SYCP2: variants seen among roughly 807,000 people sequenced by gnomAD.
The protein encoded by SYCP2 is synaptonemal complex lateral element protein.
A neutral mutation model predicts 211.3 loss-of-function variants in SYCP2; 55 were observed. That is an observed-to-expected ratio of 0.26 (90% confidence interval 0.21 to 0.33). The LOEUF is 0.33. Among genes scored for constraint, SYCP2 ranks in the 10% least tolerant of loss-of-function variants. The pLI, the probability that SYCP2 is intolerant of heterozygous loss-of-function variation, is 1.00. For missense variants in SYCP2, 1,731 were observed against 1,752.0 expected (o/e 0.99, Z 0.21); for synonymous variants, 570 against 555.2 (o/e 1.03, Z -0.37).
chr20:59,867,120 A>T (rs868547081), intron 39 of SYCP2, among the ~76,000 whole-genome samples: 1 of 8,340 alleles, frequency 1.2e-4, no homozygotes, highest in Non-Finnish European at 2.4e-4. Flanking sequence ...GGGGGGGGGG[A>T]GGGTGTTGAT....
chr20:59,895,266 G>A (rs997667585), intron 20 of SYCP2, among the ~76,000 whole-genome samples, 171 bp downstream of exon 20: 5 of 152,022 alleles, frequency 3.3e-5, no homozygotes, highest in African/African-American at 7.2e-5. Flanking sequence ...CACAGTAAAT[G>A]AGTCATATGC....
rs760165310 is a variant in SYCP2 at position 59,881,009 on chromosome 20, T to G, written c.2729A>C (p.Asn910Thr). 5.3e-6 allele frequency: 8 copies of G among 1,501,378 alleles called. No individual in the cohort carries two copies. Among genetic ancestry groups the G allele is most frequent in the Non-Finnish European group, 7.3e-6 (8 of 1,097,814 alleles). The allele number at this position is 1,501,378 out of a possible 1,614,324, so 93.0% of individuals were successfully genotyped here. ...GACAGAAGATTTAAGTTCATCATGATTCCTTGGACCTACCCTTAAACAAAA... is the reference window on the plus strand; with the variant it reads ...GACAGAAGATTTAAGTTCATCATGAGTCCTTGGACCTACCCTTAAACAAAA... ...DRSIRLVGPRNHDELKSSVKT... is the reference protein window; with the variant it reads ...DRSIRLVGPRTHDELKSSVKT... Residue 910 changes from asparagine (N) to threonine (T), a missense_variant, in exon 30 of 45, where the codon AAT becomes ACT. Asn to Thr is a moderately conservative substitution (Grantham distance 65, BLOSUM62 0). This residue lies in a region of SYCP2 where 1,387 missense variants were observed against 1,351.3 expected (regional missense o/e 1.03). Coordinates refer to ENST00000357552, the MANE Select transcript of SYCP2 (RefSeq NM_014258.4).
At chr20:59,880,529 G>T in intron 30 of SYCP2, 58 bp from the exon 31 acceptor site, 1 of 1,053,230 alleles carries the variant, frequency 9.5e-7, no homozygotes, top group Non-Finnish European at 1.3e-6. Context: ...TGTCATGCAA[G>T]GTAAGTTAAA....
intron 13 of SYCP2, 151 bp from the exon 14 acceptor site, chr20:59,911,996 AAAAC>A (rs1398438990): frequency 6.6e-6 from 3 of 456,534 alleles, no homozygotes; most frequent in East Asian, 3.4e-5. Flanking sequence ...GATAAATTTA[AAAAC>A]AATCAAATGA....
chr20:59,905,936 A>G (rs1453705860), intron 15 of SYCP2, among the ~76,000 whole-genome samples: 3 of 152,148 alleles, frequency 2.0e-5, no homozygotes, highest in East Asian at 1.9e-4. Context: ...AGAAAGTAGT[A>G]AAACTACCTC....
intron 24 of SYCP2, among the ~76,000 whole-genome samples, chr20:59,888,386 TTAAAA>T (rs1220572590): frequency 6.6e-6 from 1 of 151,986 alleles, no homozygotes; most frequent in African/African-American, 2.4e-5. Context: ...ACAGGCTAAT[TTAAAA>T]TAATCAATCA....
intron 15 of SYCP2, among the ~76,000 whole-genome samples, chr20:59,904,566 T>C (rs539686915): frequency 6.6e-6 from 1 of 152,280 alleles, no homozygotes; most frequent in African/African-American, 2.4e-5. Context: ...GGAAGGATTA[T>C]CTGGAGCATC....
intron 39 of SYCP2, 65 bp from the exon 40 acceptor site, chr20:59,866,654 T>C: frequency 2.0e-6 from 2 of 1,018,986 alleles, no homozygotes; most frequent in Non-Finnish European, 2.8e-6. Flanking sequence ...AAGACTACAG[T>C]AACAGCAAAT....
intron 35 of SYCP2, among the ~76,000 whole-genome samples, chr20:59,870,690 T>G (rs1286275306): frequency 1.3e-5 from 2 of 151,768 alleles, no homozygotes; most frequent in Non-Finnish European, 2.9e-5. Context: ...TGAGGAATGG[T>G]GGGGCAGGGG....
At chr20:59,866,172 A>T (rs1303023256) in intron 41 of SYCP2, 121 bp downstream of exon 41, 1 of 575,120 alleles carries the variant, frequency 1.7e-6, no homozygotes, top group Non-Finnish European at 2.9e-6. Context: ...CTAAGATAAA[A>T]CTAAATTATT....
In SYCP2 at chr20:59,866,373, A is replaced by G. The variant is rs767638300; in HGVS notation, c.4240T>C (p.Phe1414Leu). ...QDSRIKKLDK[F>L]QFIIIEELEN... is the part of the protein sequence containing the mutation. ...AGCTCCTCTATGATAATGAATTGGA[A>G]TTTATCAAGTTTTTTAATCCTATTA... The change falls in exon 41 of 45, where the codon TTC becomes CTC. Residue 1414 changes from phenylalanine to leucine, a missense_variant. By Grantham distance (22) the Phe-to-Leu change is conservative (BLOSUM62 0). Around this residue, in one of 3 missense-constraint regions of SYCP2, gnomAD observed 1,387 missense variants for 1,351.3 expected, o/e 1.03. Coordinates refer to ENST00000357552, the MANE Select transcript of SYCP2 (RefSeq NM_014258.4). 3 of 1,591,842 alleles carry G rather than the reference A, an allele frequency of 1.9e-6. No homozygotes were observed. The highest frequency in any genetic ancestry group is 1.7e-5 in the Admixed American group (1 of 57,280).
chr20:59,880,231 A>G lies in SYCP2; in HGVS notation c.2941+72T>C, dbSNP rs1446151264. ...AACAGTCTAAATACAATAAGCTTAT[A>G]TAAAGCATTTTCAATAATTGAAATA... is the stretch of plus-strand genomic sequence containing the variant. On this transcript the variant is annotated intron_variant, in intron 31 of 44. Transcript: ENST00000357552. 5.7e-6 allele frequency: 7 copies of G among 1,222,570 alleles called. No homozygotes were observed. The African/African-American group carries it at 7.6e-5, about 13-fold the overall frequency. The allele number at this position is 1,222,570 out of a possible 1,614,324, so 75.7% of individuals were successfully genotyped here.
rs181512913 is a variant in SYCP2 at position 59,932,739 on chromosome 20, C to T, written c.-139-585G>A. 2.3e-3 allele frequency among the ~76,000 whole-genome samples: 351 copies of T among 152,256 alleles called. 2 individuals carry two copies. The highest frequency in any genetic ancestry group is 8.0e-3 in the African/African-American group (333 of 41,576). Reference sequence around the variant, plus strand: ...GCAGATGCTCGGCCAGCCTGGAGCCCGGTCCAGAAAAGGCCGCACGTGGAG... The same window carrying T: ...GCAGATGCTCGGCCAGCCTGGAGCCTGGTCCAGAAAAGGCCGCACGTGGAG... On this transcript the variant is annotated intron_variant, in intron 1 of 44. Transcript: ENST00000357552.
chr20:59,884,637 C>T (rs993863479), intron 26 of SYCP2, among the ~76,000 whole-genome samples: 6 of 152,018 alleles, frequency 3.9e-5, no homozygotes, highest in Non-Finnish European at 5.9e-5. Flanking sequence ...GATCATTTAT[C>T]TGACTTATCC....
chr20:59,880,383 A>C lies in SYCP2; in HGVS notation c.2861T>G (p.Leu954Arg), dbSNP rs2059652711. The change falls in exon 31 of 45, where the codon CTA (leucine) becomes CGA (arginine). Residue 954 changes from leucine (L) to arginine (R), a missense_variant. By Grantham distance (102) the Leu-to-Arg change is moderately radical. This residue lies in a region of SYCP2 where 1,387 missense variants were observed against 1,351.3 expected (regional missense o/e 1.03). Coordinates refer to ENST00000357552, the MANE Select transcript of SYCP2 (RefSeq NM_014258.4). Reference sequence around the variant, plus strand: ...CTGTGGTTTTGATTTCGGTTCTCTTAGCCAGCTAATATCAGTCTTGCTGTC... The same window carrying C: ...CTGTGGTTTTGATTTCGGTTCTCTTCGCCAGCTAATATCAGTCTTGCTGTC... ...CDDSKTDISW[L>R]REPKSKPQLI... The C allele has an allele frequency of 1.2e-6, 2 of 1,602,372 alleles. No homozygotes were observed. The highest frequency in any genetic ancestry group is 8.5e-7 in the Non-Finnish European group (1 of 1,172,134).
At chr20:59,867,628 A>G in intron 39 of SYCP2, 83 bp downstream of exon 39, 1 of 1,242,860 alleles carries the variant, frequency 8.0e-7, no homozygotes, top group East Asian at 2.6e-5. Flanking sequence ...TTGCCAAAGG[A>G]TCAAACAAGC....
chr20:59,903,970 G>A (rs1231358803), intron 15 of SYCP2, among the ~76,000 whole-genome samples: 1 of 152,134 alleles, frequency 6.6e-6, no homozygotes, highest in Admixed American at 6.6e-5. Flanking sequence ...AGCTGTACAT[G>A]TAACAAGATC....
intron 14 of SYCP2, among the ~76,000 whole-genome samples, chr20:59,909,830 C>G (rs1448917302): frequency 6.6e-6 from 1 of 152,150 alleles, no homozygotes; most frequent in Non-Finnish European, 1.5e-5. Context: ...ATAATAACTA[C>G]TATAAAGGAA....
In SYCP2 at chr20:59,874,032, T is replaced by A; in HGVS notation, c.3379A>T (p.Thr1127Ser). 6.2e-7 allele frequency: 1 copy of A among 1,604,352 alleles called. No individual in the cohort carries two copies. The highest frequency in any genetic ancestry group is 8.5e-7 in the Non-Finnish European group (1 of 1,176,068). ...TTTGTTATGCAGTCATAATCCTGAG[T>A]AAAATCCTTTTCTGTTATTTTCTCT... is the stretch of plus-strand genomic sequence containing the variant. Reference protein sequence around the residue: ...CIEKITEKDFTQDYDCITKSI... With the variant: ...CIEKITEKDFSQDYDCITKSI... Residue 1127 changes from threonine (T) to serine (S), a missense_variant, in exon 35 of 45, where the codon ACT becomes TCT. This residue lies in a region of SYCP2 where 1,387 missense variants were observed against 1,351.3 expected (regional missense o/e 1.03). Coordinates refer to ENST00000357552, the MANE Select transcript of SYCP2 (RefSeq NM_014258.4).
Sources: allele counts gnomAD v4.1 joint callset (sites outside exome capture counted in the v4.1 genomes callset), GRCh38; gene constraint gnomAD v4.1.1; regional missense constraint gnomAD v4.1.1; transcripts MANE v1.5; gene names NCBI Gene and HGNC (gene_info 2026-07-23, HGNC 2026-07-21).